ARHGAP10: variants seen among roughly 807,000 people sequenced by gnomAD.
ARHGAP10 encodes rho GTPase-activating protein 10.
In ARHGAP10, 87 loss-of-function variants were observed where a neutral mutation model predicts 108.6. The observed-to-expected ratio is 0.80, with a 90% CI of 0.67 to 0.96. The LOEUF (loss-of-function observed/expected upper bound fraction) is 0.96, where lower values mean the gene tolerates loss of function less well. Ranked by LOEUF, ARHGAP10 falls within the 40% of genes least tolerant of loss-of-function variation. The pLI, the probability that ARHGAP10 is intolerant of heterozygous loss-of-function variation, is 0.00. For missense variants in ARHGAP10, 939 were observed against 954.5 expected (o/e 0.98, Z 0.21); for synonymous variants, 347 against 341.1 (o/e 1.02, Z -0.19).
At chr4:148,000,405 T>C (rs1009311277) in intron 18 of ARHGAP10, among the ~76,000 whole-genome samples, 6 of 152,232 alleles carry the variant, frequency 3.9e-5, no homozygotes, top group Non-Finnish European at 7.3e-5. Context: ...TGTGTCTTTA[T>C]AGCAGCATGA....
At chr4:148,037,074 T>A (rs1728409498) in intron 19 of ARHGAP10, among the ~76,000 whole-genome samples, 9 of 152,224 alleles carry the variant, frequency 5.9e-5, no homozygotes, top group Admixed American at 5.9e-4. Context: ...CCCTCAGTCT[T>A]ATGGTAACTT....
At chr4:147,745,004 AGAACTT>A (rs771345403) in intron 1 of ARHGAP10, among the ~76,000 whole-genome samples, 1 of 152,084 alleles carries the variant, frequency 6.6e-6, no homozygotes, top group Non-Finnish European at 1.5e-5. Context: ...AGGTGAAAGA[AGAACTT>A]GAAATCTGAG....
intron 1 of ARHGAP10, among the ~76,000 whole-genome samples, chr4:147,776,088 C>T (rs956010326): frequency 1.2e-4 from 19 of 152,102 alleles, no homozygotes; most frequent in Admixed American, 2.6e-4. Context: ...TATAAAATAC[C>T]ACTACTTGCA....
At chr4:148,018,329 C>T (rs1741428131) in intron 18 of ARHGAP10, among the ~76,000 whole-genome samples, 3 of 152,082 alleles carry the variant, frequency 2.0e-5, no homozygotes, top group Admixed American at 2.0e-4. Context: ...AATTTGCATC[C>T]AGGCAGTAGT....
At chr4:147,979,407 A>G (rs568932254) in intron 18 of ARHGAP10, among the ~76,000 whole-genome samples, 5 of 152,024 alleles carry the variant, frequency 3.3e-5, no homozygotes, top group South Asian at 2.1e-4. Flanking sequence ...CCATTGGTCT[A>G]TATATCCTAT....
At chr4:147,852,021 C>T (rs1733893957) in intron 4 of ARHGAP10, among the ~76,000 whole-genome samples, 1 of 152,148 alleles carries the variant, frequency 6.6e-6, no homozygotes, top group African/African-American at 2.4e-5. Flanking sequence ...CGACACTTGT[C>T]TCAGGAGGTT....
At chr4:147,778,327 A>C (rs1681082649) in intron 1 of ARHGAP10, among the ~76,000 whole-genome samples, 1 of 152,060 alleles carries the variant, frequency 6.6e-6, no homozygotes, top group African/African-American at 2.4e-5. Context: ...TTATTCTGGG[A>C]AAACAATTAG....
chr4:148,019,008 T>G (rs1741458623), intron 18 of ARHGAP10, among the ~76,000 whole-genome samples: 1 of 152,228 alleles, frequency 6.6e-6, no homozygotes, highest in Admixed American at 6.5e-5. Context: ...ATGTATTCAA[T>G]GAATTAGGAA....
intron 4 of ARHGAP10, among the ~76,000 whole-genome samples, chr4:147,848,302 C>T (rs781116928): frequency 4.6e-5 from 7 of 152,190 alleles, no homozygotes; most frequent in Non-Finnish European, 8.8e-5. Context: ...TGAAGGGCTA[C>T]GAATTGAGGC....
intron 18 of ARHGAP10, among the ~76,000 whole-genome samples, chr4:148,016,983 T>TAA (rs767261865): frequency 6.0e-4 from 68 of 112,590 alleles, no homozygotes; most frequent in African/African-American, 1.3e-3. Flanking sequence ...TCATCTCTAT[T>TAA]AAAAAAAAAA....
intron 14 of ARHGAP10, among the ~76,000 whole-genome samples, chr4:147,942,375 C>A (rs183642239): frequency 1.2e-3 from 186 of 152,146 alleles, no homozygotes; most frequent in African/African-American, 4.4e-3. Context: ...TTTTTTATTG[C>A]CATTTTTACA....
chr4:147,946,488 A>G (rs528111566), intron 14 of ARHGAP10, 129 bp from the exon 15 acceptor site: 23 of 650,088 alleles, frequency 3.5e-5, no homozygotes, highest in Non-Finnish European at 5.6e-5. Flanking sequence ...AATCATATAT[A>G]TAATGTTTTC....
At chr4:148,009,921 C>T (rs555778834) in intron 18 of ARHGAP10, among the ~76,000 whole-genome samples, 208 of 152,272 alleles carry the variant, frequency 1.4e-3, no homozygotes, top group Non-Finnish European at 1.6e-3. Flanking sequence ...TGTGAAACCT[C>T]AGTTTCTGGT....
At chr4:148,046,264 T>C (rs942851585) in intron 19 of ARHGAP10, among the ~76,000 whole-genome samples, 1 of 152,148 alleles carries the variant, frequency 6.6e-6, no homozygotes, top group Non-Finnish European at 1.5e-5. Context: ...ATTGTGCAAC[T>C]CATTTAAAAA....
chr4:148,024,185 C>T (rs2149664490), intron 19 of ARHGAP10, among the ~76,000 whole-genome samples: 1 of 152,308 alleles, frequency 6.6e-6, no homozygotes, highest in Non-Finnish European at 1.5e-5. Flanking sequence ...GGTATCCAAA[C>T]CTGCGTTTTC....
intron 18 of ARHGAP10, among the ~76,000 whole-genome samples, chr4:147,986,996 C>T (rs571342449): frequency 6.6e-6 from 1 of 152,326 alleles, no homozygotes; most frequent in Admixed American, 6.5e-5. Flanking sequence ...ATAGGCTACA[C>T]TGATCCTCAG....
At chr4:147,926,607 A>G (rs529528506) in intron 13 of ARHGAP10, among the ~76,000 whole-genome samples, 2 of 152,316 alleles carry the variant, frequency 1.3e-5, no homozygotes, top group Admixed American at 1.3e-4. Flanking sequence ...GATGGCAGGA[A>G]TTATTTTTAA....
intron 10 of ARHGAP10, among the ~76,000 whole-genome samples, chr4:147,905,645 A>G (rs1356747736): frequency 1.4e-5 from 2 of 142,470 alleles, no homozygotes; most frequent in Non-Finnish European, 3.1e-5. Context: ...GCCTTGTAGT[A>G]TAGTTTGAAG....
rs149461261 is a variant in ARHGAP10, at chr4:147,976,455, A to G, written c.1716+9616A>G. The stretch of plus-strand genomic sequence containing the variant: ...AAATCCCATAGCAAGAATATTTGAC[A>G]AATTTTCAGACTCCCCCCCATCCCC... On this transcript the variant is annotated intron_variant, in intron 18 of 22. Transcript: ENST00000336498. Among the ~76,000 whole-genome samples the G allele has an allele frequency of 2.5e-3, 374 of 152,262 alleles. 1 individual carries two copies. The highest frequency in any genetic ancestry group is 8.3e-3 in the African/African-American group (345 of 41,552).
Sources: gnomAD v4.1 joint callset for allele counts (sites outside exome capture counted in the v4.1 genomes callset) on GRCh38, gnomAD v4.1.1 for gene constraint, MANE v1.5 for transcripts, NCBI Gene and HGNC (gene_info 2026-07-23, HGNC 2026-07-21) for gene names.